RBPMS: variants seen among roughly 807,000 people sequenced by gnomAD.
RBPMS encodes the protein RNA-binding protein with multiple splicing.
Under a neutral mutation model 26.8 loss-of-function variants are expected in RBPMS, and 7 were observed. The observed-to-expected ratio is 0.26, with a 90% confidence interval of 0.15 to 0.49. The LOEUF (loss-of-function observed/expected upper bound fraction) is 0.49. Ranked by LOEUF, RBPMS falls within the 20% of genes least tolerant of loss-of-function variation. The pLI is 0.98. For synonymous variants in RBPMS, 96 were observed against 93.3 expected (o/e 1.03, Z -0.17); for missense variants, 186 against 250.0 (o/e 0.74, Z 1.73).
At chr8:30,528,072 G>A (rs766943528) in intron 5 of RBPMS, among the ~76,000 whole-genome samples, 25 of 152,110 alleles carry the variant, frequency 1.6e-4, no homozygotes, top group Non-Finnish European at 2.9e-4. Flanking sequence ...CTACTCAAGA[G>A]GCTGAGGCAG....
intron 5 of RBPMS, among the ~76,000 whole-genome samples, chr8:30,515,976 A>G (rs1464076818): frequency 6.6e-6 from 1 of 152,236 alleles, no homozygotes; most frequent in Non-Finnish European, 1.5e-5. Context: ...TCAAAAGTTT[A>G]TAACATGGTA....
rs1818030871 is a variant in RBPMS, at chr8:30,479,296, TTC to T, written c.184-15_184-14del. Reference sequence around the variant, plus strand: ...ATCATCTGATTTTTTTTCTTCATATTTCTCTTTTTTTTTCTCAGCCTGTAGGT... The same window carrying T: ...ATCATCTGATTTTTTTTCTTCATATTTCTTTTTTTTTCTCAGCCTGTAGGT... On this transcript the variant is annotated splice_polypyrimidine_tract_variant and intron_variant, in intron 3 of 8. Transcript: ENST00000397323. The T allele has an allele frequency of 1.9e-6, 3 of 1,602,818 alleles. No individual in the cohort carries two copies. Among genetic ancestry groups the T allele is most frequent in the Non-Finnish European group, 2.6e-6 (3 of 1,170,724 alleles).
chr8:30,476,292 C>T (rs1449689636), intron 2 of RBPMS, among the ~76,000 whole-genome samples: 2 of 152,194 alleles, frequency 1.3e-5, no homozygotes, highest in Non-Finnish European at 2.9e-5. Context: ...ACTCTGCCCT[C>T]TCTGTTCTGA....
chr8:30,494,842 C>T (rs980645078), intron 4 of RBPMS, among the ~76,000 whole-genome samples: 3 of 152,164 alleles, frequency 2.0e-5, no homozygotes, highest in African/African-American at 7.2e-5. Context: ...ATGAGGTTTT[C>T]CCCATTTTGT....
chr8:30,414,157 A>G (rs1382207343), intron 1 of RBPMS, among the ~76,000 whole-genome samples: 1 of 137,486 alleles, frequency 7.3e-6, no homozygotes, highest in Non-Finnish European at 1.5e-5. Flanking sequence ...GCAGTGGGTC[A>G]TTGATTGCTG....
chr8:30,541,795 C>T (rs966443568), intron 5 of RBPMS, among the ~76,000 whole-genome samples: 1 of 152,180 alleles, frequency 6.6e-6, no homozygotes, highest in Admixed American at 6.5e-5. Flanking sequence ...GTGGGGAGTC[C>T]TTGTGAAGGG....
chr8:30,515,535 C>T (rs1020915222), intron 5 of RBPMS, among the ~76,000 whole-genome samples: 2 of 152,060 alleles, frequency 1.3e-5, no homozygotes, highest in African/African-American at 2.4e-5. Context: ...TATAAGAAAC[C>T]AGTTGTCTTC....
chr8:30,533,923 G>T (rs1824522564), intron 5 of RBPMS, among the ~76,000 whole-genome samples: 1 of 152,078 alleles, frequency 6.6e-6, no homozygotes, highest in Admixed American at 6.5e-5. Context: ...CACGAGGTCA[G>T]GAGTTCGAGA....
chr8:30,457,623 T>G (rs1815381801), intron 1 of RBPMS, among the ~76,000 whole-genome samples: 1 of 150,014 alleles, frequency 6.7e-6, no homozygotes, highest in South Asian at 2.1e-4. Context: ...GATGGAGTCT[T>G]GCTCTGTTGC....
At chr8:30,556,512 C>A (rs917330356) in intron 6 of RBPMS, 4 of 986,088 alleles carry the variant, frequency 4.1e-6, no homozygotes, top group East Asian at 1.1e-4. Flanking sequence ...AGCCCTCCCC[C>A]TCCTGTGTCT....
chr8:30,508,728 T>G (rs1821302145), intron 5 of RBPMS, among the ~76,000 whole-genome samples: 1 of 152,176 alleles, frequency 6.6e-6, no homozygotes, highest in South Asian at 2.1e-4. Flanking sequence ...TTCAAAGTAC[T>G]TTTTAAACTT....
chr8:30,479,765 C>A (rs1818081232), intron 4 of RBPMS, among the ~76,000 whole-genome samples: 1 of 151,498 alleles, frequency 6.6e-6, no homozygotes, highest in Admixed American at 6.6e-5. Context: ...AGATTGAAAT[C>A]CTGGCTTTTT....
rs1276439063 is a variant in RBPMS, at chr8:30,479,312, C to T, written c.184-3C>T. ...TCTTCATATTTCTCTTTTTTTTTCT[C>T]AGCCTGTAGGTTTTGTCAGTTTTGA... On this transcript the variant is annotated splice_region_variant and splice_polypyrimidine_tract_variant and intron_variant, in intron 3 of 8. Transcript: ENST00000397323. 2 of 1,603,870 alleles carry T rather than the reference C, an allele frequency of 1.2e-6. No individual in the cohort carries two copies. Among genetic ancestry groups the T allele is most frequent in the Non-Finnish European group, 1.7e-6 (2 of 1,175,288 alleles).
chr8:30,534,241 T>A (rs1195706442), intron 5 of RBPMS, among the ~76,000 whole-genome samples: 1 of 152,218 alleles, frequency 6.6e-6, no homozygotes, highest in Non-Finnish European at 1.5e-5. Context: ...TTCTTTAGAT[T>A]TGTATCCCTC....
chr8:30,466,825 C>T (rs1280793072), intron 1 of RBPMS, among the ~76,000 whole-genome samples: 10 of 152,050 alleles, frequency 6.6e-5, no homozygotes, highest in Non-Finnish European at 1.3e-4. Flanking sequence ...CATTTCCTGA[C>T]GTCAGGTGAT....
chr8:30,421,208 C>T (rs1416372636), intron 1 of RBPMS, among the ~76,000 whole-genome samples: 6 of 151,854 alleles, frequency 4.0e-5, no homozygotes. Flanking sequence ...AGCTGGTCAG[C>T]TGCAGAACCT....
chr8:30,530,497 T>A (rs1330987865), intron 5 of RBPMS, among the ~76,000 whole-genome samples: 1 of 152,176 alleles, frequency 6.6e-6, no homozygotes, highest in Non-Finnish European at 1.5e-5. Flanking sequence ...AGTTTCGCTC[T>A]TGTTGCCCAG....
At chr8:30,498,922 CTA>C (rs1175855741) in intron 4 of RBPMS, among the ~76,000 whole-genome samples, 1 of 151,814 alleles carries the variant, frequency 6.6e-6, no homozygotes, top group Non-Finnish European at 1.5e-5. Flanking sequence ...TTAAATATAT[CTA>C]TATGATGCAG....
chr8:30,413,032 A>G (rs1380924242), intron 1 of RBPMS, among the ~76,000 whole-genome samples: 1 of 152,156 alleles, frequency 6.6e-6, no homozygotes, highest in African/African-American at 2.4e-5. Context: ...TCTGGAACAC[A>G]TTCCAGTTTT....
Sources: gnomAD v4.1 joint callset for allele counts (sites outside exome capture counted in the v4.1 genomes callset) on GRCh38, gnomAD v4.1.1 for gene constraint, MANE v1.5 for transcripts, NCBI Gene and HGNC (gene_info 2026-07-23, HGNC 2026-07-21) for gene names.